The following PCDHGA10 variants were observed in gnomAD, a reference collection of about 807,000 sequenced individuals.
PCDHGA10 encodes the protein protocadherin gamma subfamily A, 10, also known as protocadherin gamma-A10.
PCDHGA10 carries 42 observed loss-of-function variants against 59.5 expected under a neutral mutation model. The observed-to-expected ratio is 0.71, with a 90% CI of 0.55 to 0.91. The LOEUF is 0.91. PCDHGA10 is among the 40% of genes least tolerant of loss of function. The pLI, the probability that PCDHGA10 is intolerant of heterozygous loss-of-function variation, is 0.00. For missense variants in PCDHGA10, 1,111 were observed against 1,198.2 expected, an observed-to-expected ratio of 0.93 and a Z score of 1.07; for synonymous variants, 511 against 517.2, an observed-to-expected ratio of 0.99 and a Z score of 0.16.
Position 141,414,338 on chromosome 5 carries a change from G to C in PCDHGA10, c.1163G>C (p.Cys388Ser). 1 of 1,613,832 alleles carries C rather than the reference G, an allele frequency of 6.2e-7. No homozygotes were observed. Among genetic ancestry groups the C allele is most frequent in the Non-Finnish European group, 8.5e-7 (1 of 1,179,822 alleles). The change falls in exon 1 of 4, where the codon TGT (cysteine) becomes TCT (serine). Residue 388 changes from cysteine (C) to serine (S), a missense_variant. By Grantham distance (112) the Cys-to-Ser change is moderately radical (BLOSUM62 -1). Coordinates refer to ENST00000398610, the MANE Select transcript of PCDHGA10 (RefSeq NM_018913.3). ...LDSEQNGQVT[C>S]SILAYLPFKL... ...TCTGAGCAGAATGGACAGGTAACCTGTTCCATTTTGGCGTATCTACCATTT... is the reference window on the plus strand; with the variant it reads ...TCTGAGCAGAATGGACAGGTAACCTCTTCCATTTTGGCGTATCTACCATTT...
In PCDHGA10 at chr5:141,505,352, C is replaced by T. The variant is rs371829394; in HGVS notation, c.2496-41C>T. 1.5e-5 allele frequency: 25 copies of T among 1,613,302 alleles called. No individual in the cohort carries two copies. In the South Asian group the frequency reaches 2.7e-4, roughly 18 times the overall value. ...AGGACAGGAGGGGCATGAGCTGTGCCGGCCTGGGAGTCTGTGCTCACCATC... is the reference window on the plus strand; with the variant it reads ...AGGACAGGAGGGGCATGAGCTGTGCTGGCCTGGGAGTCTGTGCTCACCATC... On this transcript the variant is annotated intron_variant, in intron 2 of 3. Transcript: ENST00000398610.
intron 1 of PCDHGA10, among the ~76,000 whole-genome samples, chr5:141,467,854 T>C (rs1337373000): frequency 6.6e-6 from 1 of 151,968 alleles, no homozygotes; most frequent in Admixed American, 6.6e-5. Flanking sequence ...GAATGAGATT[T>C]CACCATGTTG....
At chr5:141,467,924 G>A (rs2099154404) in intron 1 of PCDHGA10, among the ~76,000 whole-genome samples, 1 of 152,042 alleles carries the variant, frequency 6.6e-6, no homozygotes, top group Non-Finnish European at 1.5e-5. Context: ...CTCCCAAAAT[G>A]CTAGGATTAC....
At chr5:141,492,242 C>G (rs2099738685) in intron 1 of PCDHGA10, among the ~76,000 whole-genome samples, 1 of 152,190 alleles carries the variant, frequency 6.6e-6, no homozygotes, top group Admixed American at 6.5e-5. Flanking sequence ...GCTGGCCACC[C>G]CCACGGCCCA....
intron 1 of PCDHGA10, among the ~76,000 whole-genome samples, chr5:141,425,325 A>G (rs1371591408): frequency 6.6e-6 from 1 of 152,240 alleles, no homozygotes. Context: ...ATCGTGGAGA[A>G]CAAAAAGGAA....
At chr5:141,461,394 G>A (rs2099014614) in intron 1 of PCDHGA10, among the ~76,000 whole-genome samples, 1 of 152,098 alleles carries the variant, frequency 6.6e-6, no homozygotes. Flanking sequence ...GATTAGCGAT[G>A]TTGAGCATTT....
chr5:141,475,821 G>T, intron 1 of PCDHGA10: 1 of 352,534 alleles, frequency 2.8e-6, no homozygotes, highest in Non-Finnish European at 5.1e-6. Context: ...AGTTCCTGGC[G>T]CTAGCGCGTG....
chr5:141,501,412 T>C (rs1479005426), intron 2 of PCDHGA10, among the ~76,000 whole-genome samples: 7 of 151,550 alleles, frequency 4.6e-5, no homozygotes, highest in African/African-American at 1.7e-4. Context: ...GCTTGGAAAA[T>C]AGTTGACTAA....
chr5:141,464,144 A>G (rs1305530394), intron 1 of PCDHGA10, among the ~76,000 whole-genome samples: 1 of 152,030 alleles, frequency 6.6e-6, no homozygotes, highest in South Asian at 2.1e-4. Context: ...GGGCGCCTGT[A>G]GTCCCAGCTA....
rs775104626 is a variant in PCDHGA10, at chr5:141,486,636, C to T, written c.2437-8171C>T. On this transcript the variant is annotated intron_variant, in intron 1 of 3. Transcript: ENST00000398610. This position sits in a 1 kb window ranked among gnomAD's most constrained non-coding sequence, Gnocchi z 5.0. ...TCTGACCCAGACTCTGGCTTGAATG[C>T]GCTTATCTCCTACTCACTCCTGGAG... 7 of 1,613,540 alleles carry T rather than the reference C, an allele frequency of 4.3e-6. No individual in the cohort carries two copies. The highest frequency in any genetic ancestry group is 1.3e-5 in the African/African-American group (1 of 74,926).
At chr5:141,463,417 G>A (rs548514637) in intron 1 of PCDHGA10, among the ~76,000 whole-genome samples, 1 of 146,650 alleles carries the variant, frequency 6.8e-6, no homozygotes, top group South Asian at 2.2e-4. Context: ...ATCCTAGTTT[G>A]CGGATCCTCA....
rs2099401367 is a variant in PCDHGA10 at position 141,476,906 on chromosome 5, G to C, written c.2437-17901G>C. ...GGATGCACCCTCCGGCACGCGCGTG[G>C]TACAAGTCCTTGCAACGGATCTGGA... is the stretch of plus-strand genomic sequence containing the variant. On this transcript the variant is annotated intron_variant, in intron 1 of 3. Coordinates refer to ENST00000398610, the MANE Select transcript of PCDHGA10 (RefSeq NM_018913.3). The surrounding 1 kb of genome is among the most constrained non-coding windows in gnomAD (Gnocchi z 7.6). 2 of 1,614,050 alleles carry C rather than the reference G, an allele frequency of 1.2e-6. No homozygotes were observed. The highest frequency in any genetic ancestry group is 1.7e-6 in the Non-Finnish European group (2 of 1,180,044).
At chr5:141,423,510 TGCGGACTC>T in intron 1 of PCDHGA10, 1 of 1,613,792 alleles carries the variant, frequency 6.2e-7, no homozygotes, top group South Asian at 1.1e-5. Context: ...TCTCTCTCAT[TGCGGACTC>T]GCAGAAGAGT....
intron 2 of PCDHGA10, among the ~76,000 whole-genome samples, chr5:141,497,578 T>C (rs2099778035): frequency 1.3e-5 from 2 of 150,806 alleles, no homozygotes; most frequent in South Asian, 4.2e-4. Context: ...CTTGCTCTGT[T>C]GCCCAAGCTG....
At chr5:141,457,062 T>C (rs1168687034) in intron 1 of PCDHGA10, among the ~76,000 whole-genome samples, 1 of 152,232 alleles carries the variant, frequency 6.6e-6, no homozygotes, top group Non-Finnish European at 1.5e-5. Context: ...GCTTCCTTTT[T>C]GCCAGTAACT....
chr5:141,461,438 T>C (rs1034260263), intron 1 of PCDHGA10, among the ~76,000 whole-genome samples: 3 of 152,200 alleles, frequency 2.0e-5, no homozygotes, highest in African/African-American at 7.2e-5. Flanking sequence ...GTATACCTTC[T>C]TTTGAGAAAT....
chr5:141,478,856 T>G (rs1372487685), intron 1 of PCDHGA10: 2 of 1,353,224 alleles, frequency 1.5e-6, no homozygotes, highest in Non-Finnish European at 2.0e-6. Flanking sequence ...AAACACAAGA[T>G]CTCAGCGATC....
At position 141,490,707 on chromosome 5, in the gene PCDHGA10, C is replaced by T; in HGVS notation, c.2437-4100C>T. ...CAGACACTGGGGATAATGCCCGCCT[C>T]ACCTACTCCATTGTAGGAAATCAGG... On this transcript the variant is annotated intron_variant, in intron 1 of 3. Transcript: ENST00000398610. The surrounding 1 kb of genome is among the most constrained non-coding windows in gnomAD (Gnocchi z 5.4). The T allele has an allele frequency of 3.1e-6, 5 of 1,614,194 alleles. No individual in the cohort carries two copies. Among genetic ancestry groups the T allele is most frequent in the Non-Finnish European group, 3.4e-6 (4 of 1,180,008 alleles).
At chr5:141,452,881 T>A (rs1273440996) in intron 1 of PCDHGA10, among the ~76,000 whole-genome samples, 1 of 152,166 alleles carries the variant, frequency 6.6e-6, no homozygotes, top group African/African-American at 2.4e-5. Context: ...TTTGTAATAA[T>A]TTATTCCACT....
Sources: gnomAD v4.1 joint callset for allele counts (sites outside exome capture counted in the v4.1 genomes callset) on GRCh38, gnomAD v4.1.1 for gene constraint, Gnocchi (gnomAD v3.1) non-coding constraint, MANE v1.5 for transcripts, NCBI Gene and HGNC (gene_info 2026-07-23, HGNC 2026-07-21) for gene names.